The following ZNF462 variants were observed in gnomAD, a reference collection of about 807,000 sequenced individuals.
ZNF462 encodes zinc finger PBX1-interacting protein.
A neutral mutation model predicts 201.9 loss-of-function variants in ZNF462; 10 were observed. The ratio of observed to expected loss-of-function variants is 0.05; its 90% confidence interval spans 0.03 to 0.08. The LOEUF (loss-of-function observed/expected upper bound fraction) is 0.08. Ranked by LOEUF, ZNF462 falls within the 10% of genes least tolerant of loss-of-function variation. The pLI is 1.00. For synonymous variants in ZNF462, 1,227 were observed against 1,193.3 expected, an observed-to-expected ratio of 1.03 and a Z score of -0.58; for missense variants, 2,523 against 3,168.3, an observed-to-expected ratio of 0.80 and a Z score of 4.89.
At chr9:106,908,747 A>G (rs1174191550) in intron 1 of ZNF462, among the ~76,000 whole-genome samples, 1 of 149,950 alleles carries the variant, frequency 6.7e-6, no homozygotes, top group Admixed American at 6.7e-5. Context: ...ATTTTCTTTG[A>G]GTTCTTTCCT....
In ZNF462 at chr9:106,920,601, T is replaced by C. The variant is rs1482548471; in HGVS notation, c.-30-2753T>C. On this transcript the variant is annotated intron_variant, in intron 1 of 12. Coordinates refer to ENST00000277225, the MANE Select transcript of ZNF462 (RefSeq NM_021224.6). The surrounding 1 kb of genome is among the most constrained non-coding windows in gnomAD (Gnocchi z 4.3). ...AGAACCCATTAGGAAATCACTTTCA[T>C]CATCTCTTCTTTTTCCAAATCAGTG... Among the ~76,000 whole-genome samples, 2 of 152,176 alleles carry C rather than the reference T, an allele frequency of 1.3e-5. No individual in the cohort carries two copies. The highest frequency in any genetic ancestry group is 2.1e-4 in the South Asian group (1 of 4,818).
intron 7 of ZNF462, 59 bp downstream of exon 7, chr9:106,939,166 A>T (rs1320890196): frequency 7.1e-7 from 1 of 1,404,002 alleles, no homozygotes; most frequent in Non-Finnish European, 9.5e-7. Context: ...GCTGGGATTC[A>T]TTGCCAATCA....
rs773917122 is a variant in ZNF462, at chr9:106,864,039, GCTCTCT to G, written c.-31+750_-31+755del. 3.7e-3 allele frequency among the ~76,000 whole-genome samples: 84 copies of G among 22,746 alleles called. 3 individuals are homozygous for G. The highest frequency in any genetic ancestry group is 0.026 in the Middle Eastern group (1 of 38). The allele number at this position is 22,746 out of a possible 152,430, so 14.9% of individuals were successfully genotyped here. On this transcript the variant is annotated intron_variant, in intron 1 of 12. Transcript: ENST00000277225. ...AGCCCCCCTCTTCCTCAGGTATTTG[GCTCTCT>G]CTCTCTCTCTCTCTCTCTCTCTCTC...
chr9:106,896,724 T>C (rs930832285), intron 1 of ZNF462, among the ~76,000 whole-genome samples: 3 of 152,226 alleles, frequency 2.0e-5, no homozygotes, highest in Middle Eastern at 3.2e-3. Context: ...TTCAAATATG[T>C]GTTTCTGCTA....
chr9:106,888,167 C>G (rs1250931072), intron 1 of ZNF462, among the ~76,000 whole-genome samples: 3 of 152,102 alleles, frequency 2.0e-5, no homozygotes, highest in Admixed American at 6.5e-5. Context: ...TCAGCCTCCC[C>G]AGTAGCTGGG....
intron 1 of ZNF462, among the ~76,000 whole-genome samples, chr9:106,899,147 T>A (rs1828939186): frequency 6.7e-6 from 1 of 149,412 alleles, no homozygotes; most frequent in South Asian, 2.1e-4. Flanking sequence ...CCTCTTTGAC[T>A]CTTACCTATA....
Position 106,954,502 on chromosome 9 carries a change from G to C in ZNF462, c.6427+15395G>C, listed in dbSNP as rs1350424180. On this transcript the variant is annotated intron_variant, in intron 7 of 12. Transcript: ENST00000277225. This position sits in a 1 kb window ranked among gnomAD's most constrained non-coding sequence, Gnocchi z 4.0. ...ACACAGAACCAAACCATATCAGCCT[G>C]TTTAAAAGAGGAAAAAAAAAAAAAA... is the stretch of plus-strand genomic sequence containing the variant. Among the ~76,000 whole-genome samples, 1 of 149,026 alleles carries C rather than the reference G, an allele frequency of 6.7e-6. No individual in the cohort carries two copies. The highest frequency in any genetic ancestry group is 1.5e-5 in the Non-Finnish European group (1 of 67,324).
intron 1 of ZNF462, among the ~76,000 whole-genome samples, chr9:106,879,337 C>CA (rs1041505737): frequency 3.8e-5 from 4 of 105,462 alleles, no homozygotes; most frequent in Admixed American, 2.3e-4. Context: ...TTTCCACCCC[C>CA]CCCCCCACCC....
Position 106,885,778 on chromosome 9 carries a change from GGCTATCTT to G in ZNF462, c.-31+22426_-31+22433del, listed in dbSNP as rs1449067132. ...CTTTAGAACAAGGACAACTTGAAGT[GGCTATCTT>G]GCACATGGGACTGATGTTGAGGACT... On this transcript the variant is annotated intron_variant, in intron 1 of 12. Transcript: ENST00000277225. This position sits in a 1 kb window ranked among gnomAD's most constrained non-coding sequence, Gnocchi z 4.1. Among the ~76,000 whole-genome samples the G allele has an allele frequency of 6.6e-6, 1 of 152,204 alleles. No homozygotes were observed. Among genetic ancestry groups the G allele is most frequent in the African/African-American group, 2.4e-5 (1 of 41,444 alleles).
intron 6 of ZNF462, among the ~76,000 whole-genome samples, chr9:106,936,941 T>C (rs779671418): frequency 1.3e-5 from 2 of 152,104 alleles, no homozygotes; most frequent in East Asian, 1.9e-4. Context: ...GTAAGAGAGA[T>C]TGGGAGCAGT....
chr9:106,934,717 T>C (rs1830559233), intron 5 of ZNF462, among the ~76,000 whole-genome samples: 1 of 152,192 alleles, frequency 6.6e-6, no homozygotes, highest in South Asian at 2.1e-4. Flanking sequence ...GAAGGGAATT[T>C]AGTTCTCTGG....
chr9:106,988,677 A>T (rs1828032807), intron 10 of ZNF462, among the ~76,000 whole-genome samples: 1 of 152,112 alleles, frequency 6.6e-6, no homozygotes, highest in African/African-American at 2.4e-5. Flanking sequence ...TGAGCATGGG[A>T]TGTGTTTCCA....
In ZNF462 at chr9:107,010,616, T is replaced by A. The variant is rs1262921020; in HGVS notation, c.7314-207T>A. Among the ~76,000 whole-genome samples the A allele has an allele frequency of 6.6e-6, 1 of 152,134 alleles. No individual in the cohort carries two copies. Among genetic ancestry groups the A allele is most frequent in the Non-Finnish European group, 1.5e-5 (1 of 68,030 alleles). On this transcript the variant is annotated intron_variant, in intron 12 of 12. Coordinates refer to ENST00000277225, the MANE Select transcript of ZNF462 (RefSeq NM_021224.6). The surrounding 1 kb of genome is among the most constrained non-coding windows in gnomAD (Gnocchi z 4.6). ...CTTCTGTAAGTTCAAATCTTTAAGA[T>A]ACAGAAATATATGACTTAAGCAAAA...
intron 1 of ZNF462, among the ~76,000 whole-genome samples, chr9:106,864,066 CT>C (rs1827192352): frequency 8.8e-6 from 1 of 113,030 alleles, no homozygotes; most frequent in Admixed American, 8.9e-5. Context: ...CTCTCTCTCT[CT>C]CTCTCTCTCT....
Position 106,935,099 on chromosome 9 carries a change from C to T in ZNF462, c.6117-404C>T, listed in dbSNP as rs760863712. Among the ~76,000 whole-genome samples, 1 of 152,118 alleles carries T rather than the reference C, an allele frequency of 6.6e-6. No individual in the cohort carries two copies. Among genetic ancestry groups the T allele is most frequent in the Admixed American group, 6.5e-5 (1 of 15,268 alleles). ...TTCAAATGCTAAATTTCTCTAATTC[C>T]CATTCTGTTATTTGAATAAGTTAGA... is the stretch of plus-strand genomic sequence containing the variant. On this transcript the variant is annotated intron_variant, in intron 5 of 12. Coordinates refer to ENST00000277225, the MANE Select transcript of ZNF462 (RefSeq NM_021224.6). This position sits in a 1 kb window ranked among gnomAD's most constrained non-coding sequence, Gnocchi z 4.1.
chr9:106,948,689 G>A (rs931888124), intron 7 of ZNF462, among the ~76,000 whole-genome samples: 10 of 150,464 alleles, frequency 6.6e-5, no homozygotes, highest in Non-Finnish European at 1.5e-4. Context: ...AAACTGAACC[G>A]TACTACACAA....
Position 106,905,718 on chromosome 9 carries a change from T to C in ZNF462, c.-30-17636T>C, listed in dbSNP as rs997679914. ...GGAAGTGGGGGAAAGCCAGCAGTCA[T>C]GAAGGGCTGGTCTCACTCTCACCGT... On this transcript the variant is annotated intron_variant, in intron 1 of 12. Coordinates refer to ENST00000277225, the MANE Select transcript of ZNF462 (RefSeq NM_021224.6). The surrounding 1 kb of genome is among the most constrained non-coding windows in gnomAD (Gnocchi z 5.9). Among the ~76,000 whole-genome samples, 2 of 151,966 alleles carry C rather than the reference T, an allele frequency of 1.3e-5. No homozygotes were observed. Among genetic ancestry groups the C allele is most frequent in the African/African-American group, 4.8e-5 (2 of 41,394 alleles).
intron 10 of ZNF462, among the ~76,000 whole-genome samples, chr9:106,987,823 T>A (rs972109805): frequency 5.9e-5 from 9 of 152,210 alleles, no homozygotes; most frequent in African/African-American, 2.2e-4. Context: ...TTAATCCATC[T>A]TGAGTTGATT....
Position 106,938,490 on chromosome 9 carries a change from T to C in ZNF462, c.6236-426T>C, listed in dbSNP as rs969724986. Among the ~76,000 whole-genome samples the C allele has an allele frequency of 1.3e-5, 2 of 152,180 alleles. No individual in the cohort carries two copies. The highest frequency in any genetic ancestry group is 4.8e-5 in the African/African-American group (2 of 41,430). On this transcript the variant is annotated intron_variant, in intron 6 of 12. Transcript: ENST00000277225. The surrounding 1 kb of genome is among the most constrained non-coding windows in gnomAD (Gnocchi z 4.4). ...GATTAAAAAGCCACTAATAGATCTT[T>C]GGAATAATAATTAAGCATGTTATTT...
Sources: gnomAD v4.1 joint callset for allele counts (sites outside exome capture counted in the v4.1 genomes callset) on GRCh38, gnomAD v4.1.1 for gene constraint, Gnocchi (gnomAD v3.1) non-coding constraint, MANE v1.5 for transcripts, NCBI Gene and HGNC (gene_info 2026-07-23, HGNC 2026-07-21) for gene names.